FAM234A: variants seen among roughly 807,000 people sequenced by gnomAD.
FAM234A encodes protein FAM234A.
A neutral mutation model predicts 49.1 loss-of-function variants in FAM234A; 42 were observed. That is an observed-to-expected ratio of 0.86 (90% confidence interval 0.67 to 1.11). The LOEUF is 1.11. Ranked by LOEUF, FAM234A falls within the 50% of genes least tolerant of loss-of-function variation. FAM234A has a pLI of 0.00. For missense variants in FAM234A, 815 were observed against 745.2 expected, an observed-to-expected ratio of 1.09 and a Z score of -1.09; for synonymous variants, 369 against 316.2, an observed-to-expected ratio of 1.17 and a Z score of -1.77.
At chr16:261,639 C>T (rs1170954628) in intron 6 of FAM234A, 125 bp downstream of exon 6, 5 of 1,183,730 alleles carry the variant, frequency 4.2e-6, no homozygotes, top group Non-Finnish European at 5.9e-6. Flanking sequence ...GGGGACTCGC[C>T]CAGAGCCCCA....
At chr16:239,089 A>T (rs2050517454) in intron 1 of FAM234A, among the ~76,000 whole-genome samples, 1 of 136,522 alleles carries the variant, frequency 7.3e-6, no homozygotes, top group Admixed American at 7.6e-5. Context: ...CTCAAAAATA[A>T]AAAAAAAATA....
downstream of FAM234A, among the ~76,000 whole-genome samples, chr16:266,569 GCAGGACTGTCC>G (rs1339523353): frequency 2.6e-5 from 4 of 152,158 alleles, no homozygotes; most frequent in African/African-American, 9.7e-5. Flanking sequence ...AGAGAGCCCT[GCAGGACTGTCC>G]CACGGCCATG....
chr16:244,182 A>G lies in FAM234A; in HGVS notation c.-139-5367A>G, dbSNP rs373710997. On this transcript the variant is annotated intron_variant, in intron 1 of 12. Transcript: ENST00000399932. ...ATGGGGTTTCACCGTGTTAGCTAGG[A>G]TGGTCTCGATCTCCTGACCTTGTGA... Among the ~76,000 whole-genome samples, 19 of 152,098 alleles carry G rather than the reference A, an allele frequency of 1.2e-4. No homozygotes were observed. In the East Asian group the frequency reaches 2.3e-3, roughly 19 times the overall value.
chr16:248,078 C>A (rs1048940654), intron 1 of FAM234A, among the ~76,000 whole-genome samples: 2 of 152,070 alleles, frequency 1.3e-5, no homozygotes, highest in Non-Finnish European at 2.9e-5. Flanking sequence ...CTGTTTCTGT[C>A]TTCCCTCACA....
rs190148672 is a variant in FAM234A, at chr16:248,861, C to A, written c.-139-688C>A. ...GTCTCAAACTCCTAGGCTCAAGCGACCCACCTGCCTCAGTCCCCCAAAGTG... is the reference window on the plus strand; with the variant it reads ...GTCTCAAACTCCTAGGCTCAAGCGAACCACCTGCCTCAGTCCCCCAAAGTG... On this transcript the variant is annotated intron_variant, in intron 1 of 12. Coordinates refer to ENST00000399932, the MANE Select transcript of FAM234A (RefSeq NM_032039.4). 3.1e-3 allele frequency among the ~76,000 whole-genome samples: 475 copies of A among 151,950 alleles called. 13 individuals are homozygous for A. The highest frequency in any genetic ancestry group is 0.011 in the African/African-American group (467 of 41,286).
intron 5 of FAM234A, chr16:260,443 G>T: frequency 1.9e-6 from 1 of 523,810 alleles, no homozygotes; most frequent in Admixed American, 2.6e-5. Flanking sequence ...CCATGGGGTA[G>T]CAGAGAGGAG....
intron 2 of FAM234A, among the ~76,000 whole-genome samples, chr16:250,107 ATTC>A (rs1354499092): frequency 6.6e-6 from 1 of 152,026 alleles, no homozygotes; most frequent in African/African-American, 2.4e-5. Context: ...AATTTTTTGT[ATTC>A]TTAGTAGAGA....
Position 265,881 on chromosome 16 carries a change from G to A in FAM234A, c.*859G>A. The stretch of plus-strand genomic sequence containing the variant: ...CGTGCCCCAGGCATGGCAAGCGCCT[G>A]CCTCTCCCCTTCCGGTGCTCACACG... On this transcript the variant is annotated 3_prime_UTR_variant, in exon 13 of 13. Coordinates refer to ENST00000399932, the MANE Select transcript of FAM234A (RefSeq NM_032039.4). 2.0e-6 allele frequency: 2 copies of A among 986,156 alleles called. No individual in the cohort carries two copies. Among genetic ancestry groups the A allele is most frequent in the South Asian group, 4.7e-5 (1 of 21,302 alleles). The allele number at this position is 986,156 out of a possible 1,614,324, so 61.1% of individuals were successfully genotyped here.
At chr16:235,081 C>G (rs894054869) in intron 1 of FAM234A, among the ~76,000 whole-genome samples, 1 of 152,220 alleles carries the variant, frequency 6.6e-6, no homozygotes, top group African/African-American at 2.4e-5. Flanking sequence ...CCTCTGGAGG[C>G]TGATTCTTTC....
At chr16:266,506 T>A (rs1287772546), downstream of FAM234A, among the ~76,000 whole-genome samples, 1 of 151,976 alleles carries the variant, frequency 6.6e-6, no homozygotes, top group East Asian at 1.9e-4. Context: ...GGCAGGGGCT[T>A]CCCGGAGATG....
intron 5 of FAM234A, chr16:260,568 C>A (rs746041962): frequency 3.8e-5 from 18 of 477,936 alleles, no homozygotes; most frequent in South Asian, 2.8e-4. Context: ...TGTCAGTGCC[C>A]CTAAGCCTGA....
At position 265,325 on chromosome 16, in the gene FAM234A, A is replaced by C; in HGVS notation, c.*303A>C. The C allele has an allele frequency of 8.5e-7, 1 of 1,182,738 alleles. No homozygotes were observed. The allele number at this position is 1,182,738 out of a possible 1,614,324, so 73.3% of individuals were successfully genotyped here. A position where few individuals can be genotyped will look rare whatever the true frequency, so the allele number is the denominator to read the frequency against. ...AGCCTTCATAGTGGTCTCCCTGGCC[A>C]CCTTGGGCAGAGCTGGGTCATGCAG... On this transcript the variant is annotated 3_prime_UTR_variant, in exon 13 of 13. Coordinates refer to ENST00000399932, the MANE Select transcript of FAM234A (RefSeq NM_032039.4).
At chr16:267,584 TCA>T (rs564420010), downstream of FAM234A, among the ~76,000 whole-genome samples, 14 of 149,290 alleles carry the variant, frequency 9.4e-5, no homozygotes, top group South Asian at 2.1e-4. Context: ...CTACACACAA[TCA>T]CACGTGCTAT....
At chr16:257,083 T>C (rs145218221) in intron 3 of FAM234A, among the ~76,000 whole-genome samples, 4,177 of 152,156 alleles carry the variant, frequency 0.027, 173 homozygotes, top group African/African-American at 0.095. Flanking sequence ...TTCACCATGT[T>C]GGCCAGGCTG....
At position 259,484 on chromosome 16, in the gene FAM234A, T is replaced by C; in HGVS notation, c.270T>C (p.Val90=). 1 of 1,574,460 alleles carries C rather than the reference T, an allele frequency of 6.4e-7. No individual in the cohort carries two copies. Among genetic ancestry groups the C allele is most frequent in the Non-Finnish European group, 8.7e-7 (1 of 1,144,646 alleles). The change falls in exon 4 of 13, where the codon GTT becomes GTC. Residue 90 remains valine (V), a splice_region_variant and synonymous_variant. Transcript: ENST00000399932. ...ATAGTCTGTGGTTTTCTCTTTCAGTTATCTATGACTTTCTGGCTGTGGATG... is the reference window on the plus strand; with the variant it reads ...ATAGTCTGTGGTTTTCTCTTTCAGTCATCTATGACTTTCTGGCTGTGGATG... ...RMWRIDYSAA[V]IYDFLAVDDI... is the part of the protein sequence containing the mutation.
chr16:263,461 C>T (rs1371509331), intron 9 of FAM234A, 59 bp downstream of exon 9: 1 of 1,588,854 alleles, frequency 6.3e-7, no homozygotes, highest in African/African-American at 1.3e-5. Flanking sequence ...ATCCCGGGCA[C>T]ATCCCGTTGG....
At chr16:260,487 CAGT>C (rs1287192528) in intron 5 of FAM234A, 2 of 494,558 alleles carry the variant, frequency 4.0e-6, no homozygotes, top group Non-Finnish European at 8.1e-6. Flanking sequence ...CCTGGGGTGT[CAGT>C]GGTGGCAGTG....
At chr16:248,660 GC>G (rs1440961865) in intron 1 of FAM234A, among the ~76,000 whole-genome samples, 3 of 151,810 alleles carry the variant, frequency 2.0e-5, no homozygotes, top group African/African-American at 7.3e-5. Context: ...TTGTTCTGTT[GC>G]CCAGGATGGA....
In FAM234A at chr16:254,501, A is replaced by G. The variant is rs1216062499; in HGVS notation, c.88A>G (p.Lys30Glu). 15 of 1,614,118 alleles carry G rather than the reference A, an allele frequency of 9.3e-6. No homozygotes were observed. ...KSQENLGNPS[K>E]NEDNVKSAPP... ...GCAGGAAAATCTGGGAAATCCATCA[A>G]AAAATGAGGATAACGTGAAAAGCGC... The change falls in exon 3 of 13, where the codon AAA becomes GAA. Residue 30 changes from lysine (K) to glutamate (E), a missense_variant. Lys to Glu is a moderately conservative substitution (Grantham distance 56, BLOSUM62 1). Coordinates refer to ENST00000399932, the MANE Select transcript of FAM234A (RefSeq NM_032039.4).
Sources: allele counts gnomAD v4.1 joint callset (sites outside exome capture counted in the v4.1 genomes callset), GRCh38; gene constraint gnomAD v4.1.1; transcripts MANE v1.5; gene names NCBI Gene and HGNC (gene_info 2026-07-23, HGNC 2026-07-21).